NEGR1: variants seen among roughly 807,000 people sequenced by gnomAD.
NEGR1 encodes IgLON family member 4.
Under a neutral mutation model 40.9 loss-of-function variants are expected in NEGR1, and 10 were observed. The observed-to-expected ratio is 0.24, with a 90% confidence interval of 0.15 to 0.42. The LOEUF (loss-of-function observed/expected upper bound fraction) is 0.42. Ranked by LOEUF, NEGR1 falls within the 10% of genes least tolerant of loss-of-function variation. The pLI is 1.00. For synonymous variants in NEGR1, 185 were observed against 166.8 expected, an observed-to-expected ratio of 1.11 and a Z score of -0.84; for missense variants, 352 against 438.9, an observed-to-expected ratio of 0.80 and a Z score of 1.77.
At chr1:72,132,666 C>G (rs1463789117) in intron 1 of NEGR1, among the ~76,000 whole-genome samples, 1 of 152,090 alleles carries the variant, frequency 6.6e-6, no homozygotes. Flanking sequence ...ACCTACTTCT[C>G]TCTGATTTTA....
intron 1 of NEGR1, among the ~76,000 whole-genome samples, chr1:72,080,228 T>C (rs777453874): frequency 2.0e-5 from 3 of 152,110 alleles, no homozygotes; most frequent in Non-Finnish European, 4.4e-5. Context: ...TAAATAAATA[T>C]TTCATATCAT....
At chr1:71,504,183 T>C (rs1464166863) in intron 6 of NEGR1, among the ~76,000 whole-genome samples, 1 of 151,738 alleles carries the variant, frequency 6.6e-6, no homozygotes, top group East Asian at 1.9e-4. Flanking sequence ...CTCTTAAAGG[T>C]TAACTTTGTA....
intron 3 of NEGR1, among the ~76,000 whole-genome samples, chr1:71,761,515 T>C (rs2101700445): frequency 6.6e-6 from 1 of 152,318 alleles, no homozygotes; most frequent in African/African-American, 2.4e-5. Flanking sequence ...CAGTTTACAA[T>C]ATTAAACTTA....
chr1:71,510,546 G>T (rs574009400), intron 6 of NEGR1, among the ~76,000 whole-genome samples: 6 of 152,190 alleles, frequency 3.9e-5, no homozygotes, highest in African/African-American at 1.4e-4. Context: ...GTAGAGGAGG[G>T]GTCAGCCCAT....
intron 1 of NEGR1, among the ~76,000 whole-genome samples, chr1:72,122,025 A>AAAG (rs1374039572): frequency 1.2e-4 from 19 of 152,148 alleles, no homozygotes; most frequent in African/African-American, 4.6e-4. Flanking sequence ...GTTTCCCTAA[A>AAAG]AAGAGATTTA....
In NEGR1 at chr1:72,213,177, T is replaced by C. The variant is rs554156582; in HGVS notation, c.176+69142A>G. Among the ~76,000 whole-genome samples, 5 of 152,082 alleles carry C rather than the reference T, an allele frequency of 3.3e-5. No individual in the cohort carries two copies. The South Asian group carries it at 1.0e-3, about 32-fold the overall frequency. On this transcript the variant is annotated intron_variant, in intron 1 of 6. Transcript: ENST00000357731. ...TATAAAATTCTAAAGTTATTAATTT[T>C]CATATTGATATAGGAGCAGAAGACA...
chr1:72,137,903 A>G (rs756697369), intron 1 of NEGR1, among the ~76,000 whole-genome samples: 1 of 152,108 alleles, frequency 6.6e-6, no homozygotes, highest in Non-Finnish European at 1.5e-5. Context: ...ACAGTGGAGC[A>G]AGATCTTTAA....
chr1:71,800,120 T>A (rs975603819), intron 2 of NEGR1, among the ~76,000 whole-genome samples: 1 of 152,244 alleles, frequency 6.6e-6, no homozygotes, highest in Non-Finnish European at 1.5e-5. Flanking sequence ...TTTTTTCATA[T>A]GTTTGTTGGC....
chr1:71,948,507 G>GAA (rs1028166555), intron 1 of NEGR1, among the ~76,000 whole-genome samples: 2 of 151,830 alleles, frequency 1.3e-5, no homozygotes, highest in Non-Finnish European at 2.9e-5. Flanking sequence ...GAGAGAGAGA[G>GAA]AGAGAGAGAG....
At chr1:71,717,938 CAT>C (rs1400446628) in intron 3 of NEGR1, among the ~76,000 whole-genome samples, 1 of 152,144 alleles carries the variant, frequency 6.6e-6, no homozygotes, top group Admixed American at 6.5e-5. Context: ...ATTCTTCCCT[CAT>C]AGCTCTCAGA....
At chr1:71,942,072 C>A (rs4111091) in intron 1 of NEGR1, among the ~76,000 whole-genome samples, 61,656 of 150,670 alleles carry the variant, frequency 0.41, 13,686 homozygotes, top group East Asian at 0.64. Context: ...TATTTTACTT[C>A]TTGTGTAATA....
chr1:72,088,082 A>G (rs1181084234), intron 1 of NEGR1, among the ~76,000 whole-genome samples: 1 of 152,232 alleles, frequency 6.6e-6, no homozygotes, highest in East Asian at 1.9e-4. Context: ...TTCTATACTC[A>G]GAACTGTTTT....
intron 1 of NEGR1, among the ~76,000 whole-genome samples, chr1:72,183,257 C>T (rs753945896): frequency 7.9e-5 from 12 of 152,104 alleles, no homozygotes; most frequent in Non-Finnish European, 1.6e-4. Flanking sequence ...GTATCTTTGC[C>T]AAGGCCGGAC....
chr1:72,212,982 G>A (rs911759192), intron 1 of NEGR1, among the ~76,000 whole-genome samples: 1 of 151,818 alleles, frequency 6.6e-6, no homozygotes, highest in African/African-American at 2.4e-5. Context: ...ATTTGCGGTA[G>A]GTACTCAGGA....
chr1:71,689,448 C>G (rs1446407793), intron 4 of NEGR1, among the ~76,000 whole-genome samples: 1 of 152,108 alleles, frequency 6.6e-6, no homozygotes, highest in Non-Finnish European at 1.5e-5. Context: ...AGTTAAGTGA[C>G]TGAATTAAAA....
chr1:72,117,698 C>T (rs565572785), intron 1 of NEGR1, among the ~76,000 whole-genome samples: 10 of 151,758 alleles, frequency 6.6e-5, no homozygotes, highest in East Asian at 3.9e-4. Flanking sequence ...ACATTTATTC[C>T]GCAATGGAAA....
At chr1:72,150,164 T>C (rs181386441) in intron 1 of NEGR1, among the ~76,000 whole-genome samples, 14 of 152,286 alleles carry the variant, frequency 9.2e-5, no homozygotes, top group Admixed American at 9.2e-4. Context: ...TCTCTGCCAT[T>C]CATTTATTAT....
At chr1:71,714,850 G>C (rs1020088463) in intron 3 of NEGR1, among the ~76,000 whole-genome samples, 1 of 152,216 alleles carries the variant, frequency 6.6e-6, no homozygotes, top group Non-Finnish European at 1.5e-5. Context: ...TATGGTGCAA[G>C]CTGTTGGTGG....
intron 1 of NEGR1, among the ~76,000 whole-genome samples, chr1:72,255,831 G>A (rs1468887257): frequency 2.0e-5 from 3 of 152,174 alleles, no homozygotes; most frequent in African/African-American, 7.2e-5. Context: ...TTACAGGCAT[G>A]AGCCACTATG....
Sources: gnomAD v4.1 joint callset for allele counts (sites outside exome capture counted in the v4.1 genomes callset) on GRCh38, gnomAD v4.1.1 for gene constraint, MANE v1.5 for transcripts, NCBI Gene and HGNC (gene_info 2026-07-23, HGNC 2026-07-21) for gene names.